TTC23L: variants seen among roughly 807,000 people sequenced by gnomAD.
TTC23L encodes tetratricopeptide repeat domain 23 like, also known as tetratricopeptide repeat protein 23-like.
In TTC23L, 42 loss-of-function variants were observed where a neutral mutation model predicts 48.1. That is an observed-to-expected ratio of 0.87 (90% CI 0.68 to 1.13). The LOEUF (loss-of-function observed/expected upper bound fraction) is 1.13, where lower values mean the gene tolerates loss of function less well. Among genes scored for constraint, TTC23L ranks in the 50% most tolerant of loss-of-function variants. The pLI, the probability that TTC23L is intolerant of heterozygous loss-of-function variation, is 0.00. For missense variants in TTC23L, 391 were observed against 421.0 expected, an observed-to-expected ratio of 0.93 and a Z score of 0.62; for synonymous variants, 159 against 157.2, an observed-to-expected ratio of 1.01 and a Z score of -0.09.
At chr5:34,914,333 T>C in the TTC23L span, 472 of 296,740 alleles carry the variant, frequency 1.6e-3, no homozygotes, top group African/African-American at 9.6e-3. Context: ...CGTTTCCACA[T>C]ATATAAAACG....
chr5:34,868,952 T>C (rs1233814514), exon 8 of TTC23L: 1 of 1,611,782 alleles, frequency 6.2e-7, no homozygotes. Flanking sequence ...GCCCCAAAAC[T>C]GCAGAAATGA....
At chr5:34,925,316 A>G in the TTC23L span, 1 of 1,613,950 alleles carries the variant, frequency 6.2e-7, no homozygotes, top group Non-Finnish European at 8.5e-7. Flanking sequence ...GAAAGAGCCG[A>G]AGACTCTTCT....
At chr5:34,908,957 GA>G in the TTC23L span, 337 of 1,593,976 alleles carry the variant, frequency 2.1e-4, no homozygotes, top group African/African-American at 4.1e-3. Flanking sequence ...ATCTGTAGAA[GA>G]AAAAATAAAA....
At chr5:34,922,194 T>G in the TTC23L span, 2 of 1,357,646 alleles carry the variant, frequency 1.5e-6, no homozygotes, top group South Asian at 2.5e-5. Context: ...CTACTTCATT[T>G]TCCTATACTT....
At chr5:34,841,549 GCT>G (rs1321663171) in intron 2 of TTC23L, among the ~76,000 whole-genome samples, 1 of 152,160 alleles carries the variant, frequency 6.6e-6, no homozygotes, top group African/African-American at 2.4e-5. Context: ...AGACAGCCTT[GCT>G]CTGTCACCCA....
At chr5:34,904,165 T>C (rs1763576415), downstream of TTC23L, among the ~76,000 whole-genome samples, 1 of 151,506 alleles carries the variant, frequency 6.6e-6, no homozygotes, top group African/African-American at 2.4e-5. Flanking sequence ...GATGGAGTCT[T>C]GCTATGTTGG....
chr5:34,842,364 GAC>G (rs1491582518), intron 2 of TTC23L, among the ~76,000 whole-genome samples: 1 of 148,866 alleles, frequency 6.7e-6, no homozygotes, highest in Admixed American at 6.7e-5. Context: ...TTTTTTTTGA[GAC>G]AGAGTTGTGG....
At chr5:34,925,328 C>G in the TTC23L span, 1 of 1,613,730 alleles carries the variant, frequency 6.2e-7, no homozygotes, top group African/African-American at 1.3e-5. Flanking sequence ...GACTCTTCTT[C>G]CACATGATCC....
chr5:34,914,680 C>T, the TTC23L span: 294 of 1,613,344 alleles, frequency 1.8e-4, no homozygotes, highest in Non-Finnish European at 2.4e-5. Context: ...GGCTTAAAGG[C>T]GCCTACTTCC....
intron 7 of TTC23L, chr5:34,867,565 G>A (rs919160651): frequency 2.5e-5 from 4 of 162,904 alleles, no homozygotes; most frequent in South Asian, 1.6e-4. Flanking sequence ...ACAAATGCCC[G>A]GGGGAAAACA....
intron 9 of TTC23L, among the ~76,000 whole-genome samples, chr5:34,882,618 T>TACACACACACACACACACACACACAC (rs146120966): frequency 1.8e-4 from 26 of 140,970 alleles, no homozygotes; most frequent in Admixed American, 7.1e-4. Flanking sequence ...TCCCATGGAC[T>TACACACACACACACACACACACACAC]ACACACACAC....
chr5:34,882,896 C>T (rs1762322995), intron 9 of TTC23L, among the ~76,000 whole-genome samples: 1 of 151,978 alleles, frequency 6.6e-6, no homozygotes, highest in African/African-American at 2.4e-5. Context: ...AAGAATTAGC[C>T]AGGTGCAGTG....
At chr5:34,851,660 GAAGGATCTTCCCCT>G (rs1759684708) in intron 4 of TTC23L, among the ~76,000 whole-genome samples, 1 of 152,220 alleles carries the variant, frequency 6.6e-6, no homozygotes, top group South Asian at 2.1e-4. Context: ...GAGTGACCAG[GAAGGATCTTCCCCT>G]AGTGGCGTTC....
chr5:34,850,109 G>A, intron 3 of TTC23L, 76 bp from the exon 4 acceptor site: 1 of 1,519,422 alleles, frequency 6.6e-7, no homozygotes, highest in Non-Finnish European at 9.0e-7. Context: ...ATTCAGTCCT[G>A]TGTTCCAGTG....
chr5:34,879,961 A>G (rs570719249), intron 8 of TTC23L, among the ~76,000 whole-genome samples: 1 of 152,282 alleles, frequency 6.6e-6, no homozygotes, highest in South Asian at 2.1e-4. Context: ...GCACCGCTGC[A>G]CCCCAGCCTG....
At chr5:34,918,455 T>C in the TTC23L span, 1 of 1,604,508 alleles carries the variant, frequency 6.2e-7, no homozygotes, top group Non-Finnish European at 8.5e-7. Flanking sequence ...TTGAGAATGT[T>C]GATGCCTCAT....
At chr5:34,924,799 G>A in the TTC23L span, 1 of 1,348,362 alleles carries the variant, frequency 7.4e-7, no homozygotes, top group South Asian at 1.2e-5. Flanking sequence ...TATACCTTTT[G>A]GGAATAACGT....
intron 10 of TTC23L, among the ~76,000 whole-genome samples, chr5:34,897,980 C>G (rs950101149): frequency 1.3e-5 from 2 of 152,220 alleles, no homozygotes; most frequent in Non-Finnish European, 2.9e-5. Context: ...TGGAGACAGG[C>G]AAGCCTGAGT....
chr5:34,853,288 T>C (rs1190947293), intron 4 of TTC23L, among the ~76,000 whole-genome samples: 1 of 152,108 alleles, frequency 6.6e-6, no homozygotes, highest in Non-Finnish European at 1.5e-5. Flanking sequence ...CCCAGCACTT[T>C]GGGAGGCTGA....
Sources: gnomAD v4.1 joint callset for allele counts (sites outside exome capture counted in the v4.1 genomes callset) on GRCh38, gnomAD v4.1.1 for gene constraint, MANE v1.5 for transcripts, NCBI Gene and HGNC (gene_info 2026-07-23, HGNC 2026-07-21) for gene names.